Variants in DNAH11 observed in about 807,000 individuals in gnomAD.
DNAH11 encodes the protein axonemal beta dynein heavy chain 11.
DNAH11 carries 442 observed loss-of-function variants against 526.0 expected under a neutral mutation model. That is an observed-to-expected ratio of 0.84 (90% confidence interval 0.78 to 0.91). The LOEUF (loss-of-function observed/expected upper bound fraction) is 0.91, where lower values mean the gene tolerates loss of function less well. Among genes scored for constraint, DNAH11 ranks in the 40% least tolerant of loss-of-function variants. The pLI is 0.00. For missense variants in DNAH11, 6,989 were observed against 5,448.7 expected (o/e 1.28, Z -8.90); for synonymous variants, 2,461 against 1,935.9 (o/e 1.27, Z -7.12).
At chr7:21,693,214 T>A (rs1783702703) in intron 35 of DNAH11, among the ~76,000 whole-genome samples, 1 of 152,254 alleles carries the variant, frequency 6.6e-6, no homozygotes, top group African/African-American at 2.4e-5. Context: ...TTTGTTGTTC[T>A]ATAGTTTTCG....
At chr7:21,604,465 C>T (rs1785208450) in intron 18 of DNAH11, among the ~76,000 whole-genome samples, 1 of 152,084 alleles carries the variant, frequency 6.6e-6, no homozygotes, top group South Asian at 2.1e-4. Flanking sequence ...ATTAACTGCC[C>T]CTAACTTCCC....
chr7:21,775,484 G>A (rs142992562), intron 56 of DNAH11, among the ~76,000 whole-genome samples: 75 of 152,068 alleles, frequency 4.9e-4, no homozygotes, highest in African/African-American at 1.7e-3. Context: ...CGAGCATGGT[G>A]GCGCACACCT....
chr7:21,825,331 A>G (rs1251349718), intron 65 of DNAH11, among the ~76,000 whole-genome samples: 6 of 152,230 alleles, frequency 3.9e-5, no homozygotes, highest in Admixed American at 2.6e-4. Context: ...ACACACATTC[A>G]TGCATACAAC....
chr7:21,590,895 T>A, intron 12 of DNAH11, 23 bp from the exon 13 acceptor site: 1 of 1,282,956 alleles, frequency 7.8e-7, no homozygotes, highest in South Asian at 2.1e-5. Flanking sequence ...TATGCAATAA[T>A]TTTAATAATT....
At chr7:21,866,779 CT>C (rs997258678) in intron 71 of DNAH11, 116 bp downstream of exon 71, 1 of 1,133,598 alleles carries the variant, frequency 8.8e-7, no homozygotes, top group Admixed American at 3.0e-5. Context: ...GGGAGTGATT[CT>C]GCTGAGATTT....
chr7:21,571,975 T>A lies in DNAH11; in HGVS notation c.1593+2T>A, dbSNP rs1428441543. On this transcript the variant is annotated splice_donor_variant, in intron 8 of 81. Coordinates refer to ENST00000409508, the MANE Select transcript of DNAH11 (RefSeq NM_001277115.2). LOFTEE classifies it high-confidence loss of function. The stretch of plus-strand genomic sequence containing the variant: ...GACCCATCTGATTGCACTAACATGG[T>A]AATGTTGTACCTTTGCATTTTCATT... The A allele has an allele frequency of 6.5e-7, 1 of 1,544,680 alleles. No homozygotes were observed. The highest frequency in any genetic ancestry group is 8.7e-7 in the Non-Finnish European group (1 of 1,149,934).
chr7:21,631,450 G>T (rs1349560727), intron 25 of DNAH11, among the ~76,000 whole-genome samples: 1 of 152,184 alleles, frequency 6.6e-6, no homozygotes, highest in Non-Finnish European at 1.5e-5. Flanking sequence ...GACAAGGCAA[G>T]TCCCTTCCAC....
At chr7:21,655,670 C>T (rs1156518037) in intron 28 of DNAH11, among the ~76,000 whole-genome samples, 162 bp from the exon 29 acceptor site, 1 of 152,166 alleles carries the variant, frequency 6.6e-6, no homozygotes, top group Non-Finnish European at 1.5e-5. Context: ...AAGATCCTTT[C>T]AAGCTCTCAT....
intron 79 of DNAH11, among the ~76,000 whole-genome samples, chr7:21,896,057 T>C (rs758105372): frequency 2.5e-4 from 38 of 152,322 alleles, no homozygotes; most frequent in Non-Finnish European, 4.4e-4. Context: ...AACACAATGT[T>C]AGAGCCTTCA....
intron 65 of DNAH11, among the ~76,000 whole-genome samples, chr7:21,838,533 A>G (rs1782081733): frequency 6.6e-6 from 1 of 152,130 alleles, no homozygotes; most frequent in Non-Finnish European, 1.5e-5. Context: ...TGTTCTGGAC[A>G]TTTCACTAAG....
chr7:21,593,902 C>G (rs1784777194), intron 14 of DNAH11, among the ~76,000 whole-genome samples: 2 of 151,690 alleles, frequency 1.3e-5, no homozygotes, highest in Non-Finnish European at 2.9e-5. Flanking sequence ...CCCCCAGACA[C>G]AAAATCTCTC....
At chr7:21,767,695 C>T (rs560168201) in intron 55 of DNAH11, among the ~76,000 whole-genome samples, 21 of 152,250 alleles carry the variant, frequency 1.4e-4, no homozygotes, top group Admixed American at 9.8e-4. Flanking sequence ...TAATTTGTTG[C>T]GCAGGAGCAA....
intron 25 of DNAH11, among the ~76,000 whole-genome samples, chr7:21,621,832 G>A (rs540257968): frequency 1.3e-3 from 194 of 152,186 alleles, no homozygotes; most frequent in African/African-American, 4.6e-3. Flanking sequence ...AATAATAAGA[G>A]CTATCTATGA....
chr7:21,753,398 T>C (rs1026967613), intron 54 of DNAH11, among the ~76,000 whole-genome samples: 1 of 152,176 alleles, frequency 6.6e-6, no homozygotes, highest in African/African-American at 2.4e-5. Context: ...ATGAGTACAA[T>C]TTGAAATGGA....
intron 65 of DNAH11, among the ~76,000 whole-genome samples, chr7:21,839,844 C>T (rs1275684666): frequency 6.6e-6 from 1 of 152,138 alleles, no homozygotes; most frequent in Non-Finnish European, 1.5e-5. Flanking sequence ...TGTAAGATCA[C>T]TCTGCAGGGA....
chr7:21,840,597 G>T (rs1002131045), intron 65 of DNAH11, among the ~76,000 whole-genome samples: 1 of 152,084 alleles, frequency 6.6e-6, no homozygotes, highest in African/African-American at 2.4e-5. Context: ...TCTCTTGCAT[G>T]AATTAGAAAG....
intron 6 of DNAH11, among the ~76,000 whole-genome samples, chr7:21,566,604 GAA>G (rs11286266): frequency 3.0e-4 from 44 of 145,788 alleles, no homozygotes; most frequent in African/African-American, 5.5e-4. Flanking sequence ...ATTTTATAAT[GAA>G]AAAAAAAAAA....
At chr7:21,870,249 G>A (rs12539597) in intron 73 of DNAH11, among the ~76,000 whole-genome samples, 116,247 of 152,020 alleles carry the variant, frequency 0.76, 45,288 homozygotes, top group African/African-American at 0.83. Context: ...AAGATACAGC[G>A]TTGGCCTCCC....
chr7:21,734,596 C>T (rs139005327), intron 45 of DNAH11, among the ~76,000 whole-genome samples: 9 of 152,310 alleles, frequency 5.9e-5, no homozygotes, highest in African/African-American at 2.2e-4. Context: ...GTGGCTCACA[C>T]CTGTGATCCT....
Sources: gnomAD v4.1 joint callset for allele counts (sites outside exome capture counted in the v4.1 genomes callset) on GRCh38, gnomAD v4.1.1 for gene constraint, MANE v1.5 for transcripts, NCBI Gene and HGNC (gene_info 2026-07-23, HGNC 2026-07-21) for gene names.